ASCC3: variants seen among roughly 807,000 people sequenced by gnomAD.
ASCC3 encodes activating signal cointegrator 1 complex subunit 3, also known as ASC-1 complex subunit P200.
ASCC3 carries 158 observed loss-of-function variants against 256.3 expected under a neutral mutation model. That is an observed-to-expected ratio of 0.62 (90% CI 0.54 to 0.70). ASCC3 has a LOEUF of 0.70. ASCC3 is among the 30% of genes least tolerant of loss of function. ASCC3 has a pLI of 0.00. For missense variants in ASCC3, 2,259 were observed against 2,626.0 expected (o/e 0.86, Z 3.05); for synonymous variants, 948 against 883.4 (o/e 1.07, Z -1.30).
At chr6:100,521,237 A>C (rs1043733554) in intron 37 of ASCC3, among the ~76,000 whole-genome samples, 2 of 151,884 alleles carry the variant, frequency 1.3e-5, no homozygotes, top group African/African-American at 4.9e-5. Context: ...AATGGCTCTG[A>C]CGTATAAGAG....
chr6:100,660,265 G>A (rs1463447269), intron 16 of ASCC3, among the ~76,000 whole-genome samples: 1 of 151,538 alleles, frequency 6.6e-6, no homozygotes, highest in African/African-American at 2.4e-5. Context: ...GTGACCTTGG[G>A]TCAGTTACAT....
chr6:100,877,539 C>T (rs916581247), intron 1 of ASCC3, among the ~76,000 whole-genome samples: 2 of 152,002 alleles, frequency 1.3e-5, no homozygotes, highest in Non-Finnish European at 1.5e-5. Flanking sequence ...CTCCATTATG[C>T]GATTTCAAAA....
chr6:100,801,782 A>G (rs773725534), intron 5 of ASCC3, among the ~76,000 whole-genome samples: 1 of 151,710 alleles, frequency 6.6e-6, no homozygotes, highest in Non-Finnish European at 1.5e-5. Flanking sequence ...CAGTATTAGA[A>G]AAAGAATGCA....
At position 100,540,266 on chromosome 6, in the gene ASCC3, G is replaced by T. The variant is rs775927160; in HGVS notation, c.5672C>A (p.Ala1891Glu). Residue 1891 changes from alanine to glutamate, a missense_variant, in exon 37 of 42, where the codon GCA (alanine) becomes GAA (glutamate). Physicochemically the swap from Ala to Glu is moderately radical, Grantham distance 107 (BLOSUM62 -1). Coordinates refer to ENST00000369162, the MANE Select transcript of ASCC3 (RefSeq NM_006828.4). ...GAGATGTGCCTGTAGCAGGAGATGT[G>T]CTTTGGTGTGAGGGCTGTCAAATGA... is the stretch of plus-strand genomic sequence containing the variant. ...PHSFDSPHTK[A>E]HLLLQAHLSR... 6.2e-6 allele frequency: 10 copies of T among 1,613,852 alleles called. No homozygotes were observed. The African/African-American group carries it at 8.0e-5, about 13-fold the overall frequency.
At chr6:100,686,662 T>C (rs1777580723) in intron 13 of ASCC3, among the ~76,000 whole-genome samples, 1 of 152,120 alleles carries the variant, frequency 6.6e-6, no homozygotes, top group Non-Finnish European at 1.5e-5. Context: ...CTTTTGTTAT[T>C]AAAAGCAATG....
intron 14 of ASCC3, among the ~76,000 whole-genome samples, 179 bp from the exon 15 acceptor site, chr6:100,662,715 T>TA (rs1582655238): frequency 6.6e-6 from 1 of 152,000 alleles, no homozygotes. Context: ...TTACCTATCT[T>TA]AAAAAATAGG....
At chr6:100,633,877 C>CA (rs60180833) in intron 25 of ASCC3, among the ~76,000 whole-genome samples, 76,243 of 139,710 alleles carry the variant, frequency 0.55, 20,013 homozygotes, top group East Asian at 0.69. Context: ...AACTCCGTCT[C>CA]AAAAAAAAAA....
chr6:100,565,458 TTAAAAA>T (rs1368329781), intron 36 of ASCC3, among the ~76,000 whole-genome samples: 1 of 151,996 alleles, frequency 6.6e-6, no homozygotes, highest in Non-Finnish European at 1.5e-5. Flanking sequence ...AAGTGGCTTT[TTAAAAA>T]TAAATAAATA....
At chr6:100,525,537 C>A (rs1774540357) in intron 37 of ASCC3, among the ~76,000 whole-genome samples, 1 of 151,800 alleles carries the variant, frequency 6.6e-6, no homozygotes, top group African/African-American at 2.4e-5. Context: ...ACATTGTATA[C>A]CTGTATCAAA....
intron 11 of ASCC3, among the ~76,000 whole-genome samples, chr6:100,723,918 C>CAT (rs1429627449): frequency 1.5e-5 from 2 of 133,422 alleles, no homozygotes; most frequent in South Asian, 2.4e-4. Flanking sequence ...ATATATGACA[C>CAT]ATATATATAA....
intron 36 of ASCC3, among the ~76,000 whole-genome samples, chr6:100,580,817 G>C (rs1320914396): frequency 1.4e-5 from 2 of 144,430 alleles, no homozygotes; most frequent in African/African-American, 5.2e-5. Flanking sequence ...CCACCTATGA[G>C]TGAGAATATG....
chr6:100,707,728 T>G (rs1308417538), intron 13 of ASCC3, among the ~76,000 whole-genome samples: 2 of 152,138 alleles, frequency 1.3e-5, no homozygotes, highest in African/African-American at 4.8e-5. Context: ...TCACGATGAT[T>G]GTCCCAATGT....
Position 100,644,054 on chromosome 6 carries a change from A to G in ASCC3, c.3709T>C (p.Tyr1237His), listed in dbSNP as rs777504963. The change falls in exon 23 of 42, where the codon TAT becomes CAT. Residue 1237 changes from tyrosine (Y) to histidine (H), a missense_variant. Transcript: ENST00000369162. ...PTNDHIYHSE[Y>H]FLALKKQVIS... ...ACTTGTTTTTTTAGAGCTAGAAAATACTCTGAATGATAAATATGATCATTT... is the reference window on the plus strand; with the variant it reads ...ACTTGTTTTTTTAGAGCTAGAAAATGCTCTGAATGATAAATATGATCATTT... 1 of 1,611,906 alleles carries G rather than the reference A, an allele frequency of 6.2e-7. No homozygotes were observed. Among genetic ancestry groups the G allele is most frequent in the East Asian group, 2.2e-5 (1 of 44,716 alleles).
intron 8 of ASCC3, among the ~76,000 whole-genome samples, chr6:100,798,066 T>C (rs1019278790): frequency 2.0e-5 from 3 of 152,130 alleles, no homozygotes; most frequent in African/African-American, 7.2e-5. Context: ...TTTGCTTGCC[T>C]GTATTATTTG....
At chr6:100,783,938 C>T (rs117579608) in intron 8 of ASCC3, among the ~76,000 whole-genome samples, 3,300 of 152,142 alleles carry the variant, frequency 0.022, 59 homozygotes, top group Non-Finnish European at 0.031. Context: ...GTCTTTTTAT[C>T]GTCCTTCTTT....
At chr6:100,718,025 T>C (rs1779164476) in intron 12 of ASCC3, 50 bp downstream of exon 12, 8 of 1,570,144 alleles carry the variant, frequency 5.1e-6, no homozygotes, top group African/African-American at 1.4e-5. Context: ...AAGTATTCAA[T>C]AATAAGTCAA....
intron 10 of ASCC3, among the ~76,000 whole-genome samples, chr6:100,727,882 A>G (rs190000925): frequency 3.8e-4 from 58 of 152,186 alleles, no homozygotes; most frequent in African/African-American, 1.4e-3. Context: ...AGGAGAAAAA[A>G]ATTTTCTATA....
At chr6:100,574,011 G>A (rs1311564169) in intron 36 of ASCC3, among the ~76,000 whole-genome samples, 1 of 152,050 alleles carries the variant, frequency 6.6e-6, no homozygotes, top group Non-Finnish European at 1.5e-5. Context: ...GAATGCTGAA[G>A]GTAGAACTAA....
intron 7 of ASCC3, 108 bp downstream of exon 7, chr6:100,799,323 T>G: frequency 8.0e-7 from 1 of 1,243,056 alleles, no homozygotes; most frequent in South Asian, 1.3e-5. Context: ...AAAATAAAAT[T>G]TAGCATAGTC....
Sources: gnomAD v4.1 joint callset for allele counts (sites outside exome capture counted in the v4.1 genomes callset) on GRCh38, gnomAD v4.1.1 for gene constraint, MANE v1.5 for transcripts, NCBI Gene and HGNC (gene_info 2026-07-23, HGNC 2026-07-21) for gene names.